TBC1D32: variants seen among roughly 807,000 people sequenced by gnomAD.
TBC1D32 encodes protein broad-minded.
TBC1D32 carries 151 observed loss-of-function variants against 170.3 expected under a neutral mutation model. The observed-to-expected ratio is 0.89, with a 90% CI of 0.78 to 1.01. TBC1D32 has a LOEUF of 1.01. TBC1D32 is among the 50% of genes least tolerant of loss of function. TBC1D32 has a pLI of 0.00. For missense variants in TBC1D32, 1,464 were observed against 1,457.1 expected (o/e 1.00, Z -0.08); for synonymous variants, 498 against 488.0 (o/e 1.02, Z -0.27).
intron 24 of TBC1D32, among the ~76,000 whole-genome samples, chr6:121,140,226 A>G (rs80049360): frequency 1.3e-5 from 2 of 152,010 alleles, no homozygotes; most frequent in East Asian, 3.9e-4. Context: ...ACAAATGATG[A>G]AAAACAAGTT....
chr6:121,194,307 C>T (rs1460817987), intron 22 of TBC1D32, among the ~76,000 whole-genome samples: 1 of 152,188 alleles, frequency 6.6e-6, no homozygotes, highest in Non-Finnish European at 1.5e-5. Flanking sequence ...AGGGTGAGGG[C>T]TACTATGGTG....
chr6:121,180,210 G>T (rs932691153), intron 22 of TBC1D32, among the ~76,000 whole-genome samples: 7 of 152,012 alleles, frequency 4.6e-5, no homozygotes, highest in Non-Finnish European at 1.0e-4. Context: ...AAATCTCAGC[G>T]ACTTGGTTTA....
intron 14 of TBC1D32, among the ~76,000 whole-genome samples, chr6:121,281,251 A>G (rs1802938603): frequency 6.6e-6 from 1 of 151,780 alleles, no homozygotes. Flanking sequence ...AGATTTGCAA[A>G]ACAAATAACT....
chr6:121,222,311 T>C (rs1794614963), intron 21 of TBC1D32, among the ~76,000 whole-genome samples: 1 of 152,116 alleles, frequency 6.6e-6, no homozygotes, highest in South Asian at 2.1e-4. Flanking sequence ...GTTATTGCGG[T>C]GGTATGGAAC....
intron 22 of TBC1D32, among the ~76,000 whole-genome samples, chr6:121,204,857 CTA>C (rs2128304085): frequency 6.6e-6 from 1 of 152,158 alleles, no homozygotes; most frequent in Non-Finnish European, 1.5e-5. Flanking sequence ...ATGGGAGACA[CTA>C]TAATAATATA....
chr6:121,286,354 T>C (rs903042757), intron 12 of TBC1D32, among the ~76,000 whole-genome samples: 6 of 152,138 alleles, frequency 3.9e-5, no homozygotes, highest in Non-Finnish European at 5.9e-5. Flanking sequence ...CAAGCCTCAG[T>C]AGCCGATTTG....
chr6:121,283,844 G>A lies in TBC1D32; in HGVS notation c.1439C>T (p.Pro480Leu). The A allele has an allele frequency of 6.2e-7, 1 of 1,610,042 alleles. No individual in the cohort carries two copies. Among genetic ancestry groups the A allele is most frequent in the Non-Finnish European group, 8.5e-7 (1 of 1,177,608 alleles). Residue 480 changes from proline to leucine, a missense_variant, in exon 13 of 32, where the codon CCA (proline) becomes CTA (leucine). Physicochemically the swap from Pro to Leu is moderately conservative, Grantham distance 98. Transcript: ENST00000398212. ...TGAATGGGCAGCTGATGTCATCTTT[G>A]GACAACTTGGTGAGTAATAGATAAG... ...TQLIYYSPSCPKMTSAAHSEN... is the reference protein window; with the variant it reads ...TQLIYYSPSCLKMTSAAHSEN...
chr6:121,208,729 G>GTAAAAAAA (rs1412318299), intron 21 of TBC1D32, among the ~76,000 whole-genome samples: 1 of 86,898 alleles, frequency 1.2e-5, no homozygotes. Context: ...GAAACACCTG[G>GTAAAAAAA]AAAAAAAAAA....
At chr6:121,255,678 T>G (rs1259958697) in intron 16 of TBC1D32, among the ~76,000 whole-genome samples, 1 of 151,862 alleles carries the variant, frequency 6.6e-6, no homozygotes, top group African/African-American at 2.4e-5. Context: ...CCATATCAAA[T>G]GGGGGGAAAA....
chr6:121,183,204 G>A (rs1245471793), intron 22 of TBC1D32, among the ~76,000 whole-genome samples: 2 of 152,008 alleles, frequency 1.3e-5, no homozygotes, highest in Non-Finnish European at 2.9e-5. Context: ...AGAAGTTTCT[G>A]TACACCGAAG....
At chr6:121,255,867 A>G (rs1349712238) in intron 16 of TBC1D32, among the ~76,000 whole-genome samples, 3 of 152,122 alleles carry the variant, frequency 2.0e-5, no homozygotes, top group Non-Finnish European at 4.4e-5. Context: ...AATCTGTAGT[A>G]CCCATTTAAG....
At chr6:121,249,388 CCCCCT>C (rs956723533) in intron 17 of TBC1D32, among the ~76,000 whole-genome samples, 54 of 151,932 alleles carry the variant, frequency 3.6e-4, no homozygotes, top group African/African-American at 1.3e-3. Context: ...TGAAAGCATT[CCCCCT>C]GAGAGCTGAA....
At chr6:121,234,733 T>C (rs561227975) in intron 20 of TBC1D32, among the ~76,000 whole-genome samples, 1 of 152,236 alleles carries the variant, frequency 6.6e-6, no homozygotes, top group African/African-American at 2.4e-5. Context: ...GATTTTGTCT[T>C]GGTTTGGATC....
chr6:121,113,817 G>C (rs1779432703), intron 27 of TBC1D32, among the ~76,000 whole-genome samples: 1 of 152,118 alleles, frequency 6.6e-6, no homozygotes, highest in South Asian at 2.1e-4. Flanking sequence ...TAGTGCTTTT[G>C]TAATTTTTCT....
chr6:121,125,078 A>G lies in TBC1D32; in HGVS notation c.2983+1300T>C, dbSNP rs190368104. Reference sequence around the variant, plus strand: ...AGGTCGTATTTCCATGAATGTTCTTAATACTTGTGGACACCCGATGATATC... The same window carrying G: ...AGGTCGTATTTCCATGAATGTTCTTGATACTTGTGGACACCCGATGATATC... On this transcript the variant is annotated intron_variant, in intron 26 of 31. Coordinates refer to ENST00000398212, the MANE Select transcript of TBC1D32 (RefSeq NM_152730.6). Among the ~76,000 whole-genome samples the G allele has an allele frequency of 3.9e-5, 6 of 152,268 alleles. No homozygotes were observed. In the East Asian group the frequency reaches 1.2e-3, roughly 29 times the overall value.
intron 24 of TBC1D32, among the ~76,000 whole-genome samples, chr6:121,155,655 G>C (rs1413816103): frequency 6.6e-6 from 1 of 152,032 alleles, no homozygotes; most frequent in African/African-American, 2.4e-5. Context: ...GTCATAGATG[G>C]CTCTTATTAT....
At chr6:121,131,790 G>A (rs1781470357) in intron 24 of TBC1D32, 38 bp from the exon 25 acceptor site, 2 of 1,490,124 alleles carry the variant, frequency 1.3e-6, no homozygotes, top group Middle Eastern at 1.8e-4. Flanking sequence ...AATAAGACAT[G>A]CTAGATATAC....
chr6:121,333,324 C>G (rs1454511089), intron 1 of TBC1D32, among the ~76,000 whole-genome samples: 1 of 152,156 alleles, frequency 6.6e-6, no homozygotes, highest in Non-Finnish European at 1.5e-5. Context: ...AAACATAAGT[C>G]TCTAAAGATC....
At chr6:121,293,395 T>C (rs1329515726) in intron 11 of TBC1D32, among the ~76,000 whole-genome samples, 2 of 152,190 alleles carry the variant, frequency 1.3e-5, no homozygotes, top group African/African-American at 4.8e-5. Flanking sequence ...CATTAATTAT[T>C]GGTCTATCAC....
Sources: allele counts gnomAD v4.1 joint callset (sites outside exome capture counted in the v4.1 genomes callset), GRCh38; gene constraint gnomAD v4.1.1; transcripts MANE v1.5; gene names NCBI Gene and HGNC (gene_info 2026-07-23, HGNC 2026-07-21).